The following WFDC8 variants were observed in gnomAD, a reference collection of about 807,000 sequenced individuals.
The protein encoded by WFDC8 is WAP four-disulfide core domain 8, also known as WAP four-disulfide core domain protein 8.
A neutral mutation model predicts 27.0 loss-of-function variants in WFDC8; 24 were observed. The observed-to-expected ratio is 0.89, with a 90% CI of 0.64 to 1.25. The LOEUF (loss-of-function observed/expected upper bound fraction) is 1.25, where lower values mean the gene tolerates loss of function less well. Among genes scored for constraint, WFDC8 ranks in the 50% most tolerant of loss-of-function variants. The pLI is 0.00. For missense variants in WFDC8, 287 were observed against 295.9 expected (o/e 0.97, Z 0.22); for synonymous variants, 106 against 99.7 (o/e 1.06, Z -0.38).
At chr20:45,564,971 A>AAGAAACAGAAAGAG in intron 1 of WFDC8, among the ~76,000 whole-genome samples, 1 of 146,416 alleles carries the variant, frequency 6.8e-6, no homozygotes, top group Non-Finnish European at 1.5e-5. Flanking sequence ...GAAGGAAAGA[A>AAGAAACAGAAAGAG]AGACAAAGAA....
At chr20:45,574,746 C>A (rs1220788285) in intron 1 of WFDC8, among the ~76,000 whole-genome samples, 2 of 152,136 alleles carry the variant, frequency 1.3e-5, no homozygotes, top group South Asian at 2.1e-4. Context: ...TGCAGTGAAC[C>A]AAGATCGTGC....
Position 45,563,718 on chromosome 20 carries a change from A to G in WFDC8, c.27-1499T>C, listed in dbSNP as rs530269190. Among the ~76,000 whole-genome samples, 499 of 152,330 alleles carry G rather than the reference A, an allele frequency of 3.3e-3. 3 individuals are homozygous for G. Among genetic ancestry groups the G allele is most frequent in the African/African-American group, 0.011 (472 of 41,570 alleles). On this transcript the variant is annotated intron_variant, in intron 1 of 5. Coordinates refer to ENST00000289953, the MANE Select transcript of WFDC8 (RefSeq NM_130896.3). ...TGTAAATCATTCCTTTAGTTCCCCT[A>G]AAAGATTAGCCAAAAGGCCCTCTGG... is the stretch of plus-strand genomic sequence containing the variant.
At position 45,579,269 on chromosome 20, in the gene WFDC8, C is replaced by G; in HGVS notation, c.-22G>C. On this transcript the variant is annotated 5_prime_UTR_variant, in exon 1 of 6. Coordinates refer to ENST00000289953, the MANE Select transcript of WFDC8 (RefSeq NM_130896.3). The stretch of plus-strand genomic sequence containing the variant: ...ACATCAGGCCTCTTCCCTATGGAGA[C>G]AGCTTCCTCACTTTGCTCCAGCTCT... 6.2e-7 allele frequency: 1 copy of G among 1,613,950 alleles called. No individual in the cohort carries two copies. The highest frequency in any genetic ancestry group is 8.5e-7 in the Non-Finnish European group (1 of 1,179,916).
chr20:45,558,754 G>T, intron 3 of WFDC8, 98 bp downstream of exon 3: 2 of 1,473,912 alleles, frequency 1.4e-6, no homozygotes, highest in Non-Finnish European at 1.8e-6. Flanking sequence ...AAGAGCACAG[G>T]CCCTGGGTCC....
At chr20:45,565,164 G>A (rs1049869895) in intron 1 of WFDC8, among the ~76,000 whole-genome samples, 1 of 151,524 alleles carries the variant, frequency 6.6e-6, no homozygotes, top group Admixed American at 6.6e-5. Context: ...AAGGAAGGAA[G>A]GACACACACC....
chr20:45,553,631 T>C (rs1191788156), intron 4 of WFDC8, among the ~76,000 whole-genome samples: 1 of 152,214 alleles, frequency 6.6e-6, no homozygotes, highest in Non-Finnish European at 1.5e-5. Context: ...CACACTGTTC[T>C]CAGTAGAGAA....
intron 1 of WFDC8, among the ~76,000 whole-genome samples, chr20:45,577,932 A>C (rs1233025694): frequency 3.3e-5 from 5 of 149,260 alleles, no homozygotes; most frequent in Admixed American, 3.3e-4. Flanking sequence ...CCTTGAACCC[A>C]GAAGGTGGAG....
At chr20:45,567,718 A>G (rs1442148914) in intron 1 of WFDC8, among the ~76,000 whole-genome samples, 1 of 152,256 alleles carries the variant, frequency 6.6e-6, no homozygotes, top group African/African-American at 2.4e-5. Flanking sequence ...AATTTCAAAA[A>G]CGTAAAAGCA....
intron 3 of WFDC8, among the ~76,000 whole-genome samples, chr20:45,556,685 GGAAAGGT>G (rs1425393288): frequency 1.3e-5 from 2 of 152,094 alleles, no homozygotes; most frequent in Non-Finnish European, 2.9e-5. Context: ...GAAGCAAATT[GGAAAGGT>G]GAAAAAGCTC....
At chr20:45,567,003 A>G (rs1980702675) in intron 1 of WFDC8, among the ~76,000 whole-genome samples, 1 of 152,110 alleles carries the variant, frequency 6.6e-6, no homozygotes, top group Admixed American at 6.5e-5. Flanking sequence ...AGTAGTTGTT[A>G]TACTGTATTG....
intron 2 of WFDC8, among the ~76,000 whole-genome samples, chr20:45,561,158 G>GCATACC (rs1340372728): frequency 6.6e-6 from 1 of 152,122 alleles, no homozygotes; most frequent in Non-Finnish European, 1.5e-5. Flanking sequence ...GTGTGTATAA[G>GCATACC]CATACCTCAT....
At chr20:45,556,589 G>A (rs1980262923) in intron 3 of WFDC8, among the ~76,000 whole-genome samples, 1 of 152,122 alleles carries the variant, frequency 6.6e-6, no homozygotes, top group Admixed American at 6.5e-5. Flanking sequence ...CCAACTGAGA[G>A]CAGTCATCAA....
At chr20:45,564,067 G>A (rs1208368861) in intron 1 of WFDC8, among the ~76,000 whole-genome samples, 1 of 152,066 alleles carries the variant, frequency 6.6e-6, no homozygotes, top group African/African-American at 2.4e-5. Flanking sequence ...TCTAAATCTG[G>A]CAACTTTGAC....
chr20:45,561,359 A>C (rs1980462905), intron 2 of WFDC8, among the ~76,000 whole-genome samples: 1 of 152,196 alleles, frequency 6.6e-6, no homozygotes, highest in Admixed American at 6.5e-5. Flanking sequence ...TGGGAAAAAC[A>C]CCATCTGGGC....
intron 5 of WFDC8, 141 bp from the exon 6 acceptor site, chr20:45,552,306 G>C (rs1980063306): frequency 9.3e-6 from 9 of 965,090 alleles, no homozygotes; most frequent in Non-Finnish European, 1.4e-5. Flanking sequence ...CAATAGACTG[G>C]AGGAGGCAGA....
At chr20:45,553,064 C>A (rs1273810857) in intron 5 of WFDC8, 72 bp downstream of exon 5, 2 of 1,535,608 alleles carry the variant, frequency 1.3e-6, no homozygotes, top group South Asian at 1.3e-5. Flanking sequence ...AGACACCCCC[C>A]ACTCCATGGA....
intron 2 of WFDC8, among the ~76,000 whole-genome samples, chr20:45,560,113 T>A (rs574403859): frequency 6.6e-6 from 1 of 152,354 alleles, no homozygotes; most frequent in South Asian, 2.1e-4. Context: ...ATTAGGTCCT[T>A]GAAAAGCAGA....
chr20:45,568,190 C>G, intron 1 of WFDC8: 1 of 274,802 alleles, frequency 3.6e-6, no homozygotes, highest in South Asian at 5.0e-5. Context: ...TGGAGTTGTT[C>G]CCTAATGGGA....
chr20:45,561,889 T>C (rs1369002605), intron 2 of WFDC8, among the ~76,000 whole-genome samples: 4 of 152,046 alleles, frequency 2.6e-5, no homozygotes, highest in Non-Finnish European at 5.9e-5. Context: ...ATATATAGTC[T>C]CCTTACATAT....
Sources: allele counts gnomAD v4.1 joint callset (sites outside exome capture counted in the v4.1 genomes callset), GRCh38; gene constraint gnomAD v4.1.1; transcripts MANE v1.5; gene names NCBI Gene and HGNC (gene_info 2026-07-23, HGNC 2026-07-21).